The following TP63 variants were observed in gnomAD, a reference collection of about 807,000 sequenced individuals.
The protein encoded by TP63 is tumor protein p63, also known as tumor protein 63.
Under a neutral mutation model 82.8 loss-of-function variants are expected in TP63, and 17 were observed. The observed-to-expected ratio is 0.21, with a 90% CI of 0.14 to 0.31. The LOEUF is 0.31. Among genes scored for constraint, TP63 ranks in the 10% least tolerant of loss-of-function variants. TP63 has a pLI of 1.00. For synonymous variants in TP63, 330 were observed against 321.7 expected (o/e 1.03, Z -0.28); for missense variants, 648 against 895.3 (o/e 0.72, Z 3.52).
Position 189,896,286 on chromosome 3 carries a change from TA to T in TP63, c.*1785del, listed in dbSNP as rs1268065879. The T allele has an allele frequency of 9.2e-6, 2 of 216,634 alleles. No individual in the cohort carries two copies. Among genetic ancestry groups the T allele is most frequent in the African/African-American group, 2.3e-5 (1 of 44,324 alleles). 13.4% of individuals were successfully genotyped at this position (216,634 alleles called of 1,614,324 possible). The stretch of plus-strand genomic sequence containing the variant: ...GAAATTGCATACTTTGTATTTTGAT[TA>T]TTTTTTTTTTCTTCTTGGGATAGTG... On this transcript the variant is annotated 3_prime_UTR_variant, in exon 14 of 14. Coordinates refer to ENST00000264731, the MANE Select transcript of TP63 (RefSeq NM_003722.5).
intron 3 of TP63, among the ~76,000 whole-genome samples, chr3:189,791,993 C>T (rs1725188447): frequency 6.6e-6 from 1 of 152,010 alleles, no homozygotes; most frequent in South Asian, 2.1e-4. Context: ...GCATAAAACT[C>T]CCTGTAAGAG....
At chr3:189,612,233 T>A in the TP63 span, among the ~76,000 whole-genome samples, 1 of 151,556 alleles carries the variant, frequency 6.6e-6, no homozygotes. Context: ...AAATTTCAGC[T>A]TGAGTTGTAT....
chr3:189,859,150 T>C (rs1716686624), intron 4 of TP63, among the ~76,000 whole-genome samples: 1 of 152,172 alleles, frequency 6.6e-6, no homozygotes, highest in Non-Finnish European at 1.5e-5. Context: ...AAATGATAAA[T>C]GTTTAAGGCG....
intron 5 of TP63, 76 bp downstream of exon 5, chr3:189,864,494 C>CACCT: frequency 6.8e-7 from 1 of 1,478,736 alleles, no homozygotes; most frequent in South Asian, 1.3e-5. Context: ...GTTTGAGACC[C>CACCT]ACCTACCTGA....
intron 1 of TP63, among the ~76,000 whole-genome samples, chr3:189,707,131 TATG>T (rs1284209396): frequency 6.6e-6 from 1 of 152,242 alleles, no homozygotes; most frequent in African/African-American, 2.4e-5. Flanking sequence ...AGTACAGTTT[TATG>T]ATAATACTAT....
intron 1 of TP63, among the ~76,000 whole-genome samples, chr3:189,711,366 T>C (rs1219549029): frequency 6.7e-6 from 1 of 150,148 alleles, no homozygotes; most frequent in Admixed American, 6.6e-5. Context: ...CTACCTCATC[T>C]TTAGCAAGTA....
At position 189,813,111 on chromosome 3, in the gene TP63, C is replaced by A. The variant is rs146627340; in HGVS notation, c.579+4585C>A. ...GATTTAAGAACCTGTTGATTTTTGA[C>A]ATTCGTTCCTCATTTTTAATCTGAT... On this transcript the variant is annotated intron_variant, in intron 4 of 13. Coordinates refer to ENST00000264731, the MANE Select transcript of TP63 (RefSeq NM_003722.5). 4.7e-3 allele frequency among the ~76,000 whole-genome samples: 719 copies of A among 152,240 alleles called. 3 individuals carry two copies. The highest frequency in any genetic ancestry group is 0.017 in the African/African-American group (695 of 41,544).
At chr3:189,673,735 A>G (rs1715136331) in intron 1 of TP63, among the ~76,000 whole-genome samples, 1 of 151,964 alleles carries the variant, frequency 6.6e-6, no homozygotes, top group African/African-American at 2.4e-5. Flanking sequence ...GGGAATCACA[A>G]CTCAATTCAA....
At chr3:189,889,196 GA>G in intron 11 of TP63, 143 bp from the exon 12 acceptor site, 1 of 1,168,864 alleles carries the variant, frequency 8.6e-7, no homozygotes, top group African/African-American at 1.5e-5. Context: ...TAGGCTGTTT[GA>G]AGGGGTGTAG....
chr3:189,621,729 A>G, the TP63 span, among the ~76,000 whole-genome samples: 3 of 152,066 alleles, frequency 2.0e-5, no homozygotes, highest in African/African-American at 7.2e-5. Context: ...TTTTACTTTG[A>G]AAATATTTGT....
intron 4 of TP63, among the ~76,000 whole-genome samples, chr3:189,839,800 C>T (rs569421316): frequency 4.5e-4 from 68 of 152,266 alleles, no homozygotes; most frequent in African/African-American, 1.6e-3. Context: ...TTGCAGTGGG[C>T]AGTAGTATTA....
intron 3 of TP63, among the ~76,000 whole-genome samples, chr3:189,751,165 C>T (rs1317874033): frequency 6.6e-6 from 1 of 152,206 alleles, no homozygotes; most frequent in Non-Finnish European, 1.5e-5. Flanking sequence ...TTTTTTATGG[C>T]TGCATAGTAT....
chr3:189,877,975 G>A (rs982198666), intron 10 of TP63, among the ~76,000 whole-genome samples: 16 of 152,054 alleles, frequency 1.1e-4, no homozygotes, highest in Admixed American at 2.6e-4. Context: ...TCAGCCTCCC[G>A]AGTAGCTGTG....
the TP63 span, among the ~76,000 whole-genome samples, chr3:189,609,880 C>A: frequency 6.6e-6 from 1 of 152,032 alleles, no homozygotes; most frequent in Non-Finnish European, 1.5e-5. Flanking sequence ...GATTTATATT[C>A]CTCTTTGTAT....
chr3:189,736,665 T>C (rs1720618085), intron 1 of TP63, among the ~76,000 whole-genome samples: 1 of 152,134 alleles, frequency 6.6e-6, no homozygotes, highest in African/African-American at 2.4e-5. Context: ...AAGTCCTCTA[T>C]GCATGTTTAA....
chr3:189,676,338 G>A (rs1171533920), intron 1 of TP63, among the ~76,000 whole-genome samples: 2 of 151,884 alleles, frequency 1.3e-5, no homozygotes, highest in Non-Finnish European at 2.9e-5. Flanking sequence ...CAAACTCTTG[G>A]CAACACCAAG....
chr3:189,750,124 A>AG (rs1721695348), intron 3 of TP63, among the ~76,000 whole-genome samples: 3 of 94,210 alleles, frequency 3.2e-5, no homozygotes, highest in Admixed American at 1.2e-4. Flanking sequence ...ACTCTGTCTC[A>AG]GAAAAAAAAA....
At chr3:189,694,608 G>A (rs933420388) in intron 1 of TP63, among the ~76,000 whole-genome samples, 2 of 151,784 alleles carry the variant, frequency 1.3e-5, no homozygotes, top group Non-Finnish European at 2.9e-5. Flanking sequence ...GACCATGCAG[G>A]TAAAGTGCCA....
intron 3 of TP63, among the ~76,000 whole-genome samples, chr3:189,747,644 C>T (rs558137657): frequency 5.9e-5 from 9 of 151,984 alleles, no homozygotes; most frequent in Admixed American, 2.6e-4. Context: ...AAAGATTTCA[C>T]ATAAACAATC....
Sources: allele counts gnomAD v4.1 joint callset (sites outside exome capture counted in the v4.1 genomes callset), GRCh38; gene constraint gnomAD v4.1.1; transcripts MANE v1.5; gene names NCBI Gene and HGNC (gene_info 2026-07-23, HGNC 2026-07-21).